LEUTX: variants seen among roughly 807,000 people sequenced by gnomAD.
LEUTX encodes the protein paired-like homeodomain transcription factor LEUTX.
LEUTX carries 5 observed loss-of-function variants against 4.5 expected under a neutral mutation model. The ratio of observed to expected loss-of-function variants is 1.11; its 90% CI spans 0.58 to 2.34. LEUTX has a LOEUF of 2.34. LEUTX is among the 30% of genes most tolerant of loss of function. LEUTX has a pLI of 0.01. For missense variants in LEUTX, 233 were observed against 239.4 expected (o/e 0.97, Z 0.18); for synonymous variants, 89 against 85.1 (o/e 1.05, Z -0.25).
At chr19:39,781,319 A>G (rs551994003) in intron 1 of LEUTX, among the ~76,000 whole-genome samples, 2 of 152,208 alleles carry the variant, frequency 1.3e-5, no homozygotes, top group Non-Finnish European at 2.9e-5. Context: ...AGCATCCTGA[A>G]AATAGAAACT....
upstream of LEUTX, among the ~76,000 whole-genome samples, chr19:39,777,502 T>C (rs1967812986): frequency 6.6e-6 from 1 of 152,204 alleles, no homozygotes; most frequent in Non-Finnish European, 1.5e-5. Context: ...ACCCTTTGAA[T>C]ATATCACTCT....
intron 1 of LEUTX, among the ~76,000 whole-genome samples, chr19:39,779,711 G>A (rs534952568): frequency 9.2e-5 from 14 of 152,224 alleles, no homozygotes; most frequent in Admixed American, 4.6e-4. Context: ...CTTGTAAAAC[G>A]TAGTTTAGAA....
upstream of LEUTX, among the ~76,000 whole-genome samples, chr19:39,778,503 C>T (rs959404991): frequency 1.1e-4 from 16 of 151,810 alleles, no homozygotes; most frequent in African/African-American, 3.6e-4. Flanking sequence ...CAGGGCACCT[C>T]CTTCACCTTC....
rs1967970410 is a variant in LEUTX, at chr19:39,786,166, G to C, written c.*31G>C. 5 of 1,448,058 alleles carry C rather than the reference G, an allele frequency of 3.5e-6. No homozygotes were observed. The highest frequency in any genetic ancestry group is 4.6e-6 in the Non-Finnish European group (5 of 1,086,866). 89.7% of individuals were successfully genotyped at this position (1,448,058 alleles called of 1,614,324 possible). On this transcript the variant is annotated 3_prime_UTR_variant, in exon 3 of 3. Coordinates refer to ENST00000638280, the MANE Select transcript of LEUTX (RefSeq NM_001382345.1). ...TACACATCACTTCTAGGGGAGGTCT[G>C]GATCTGACCCACTGAGACATATTTC...
chr19:39,783,032 T>G (rs1967910157), intron 1 of LEUTX, among the ~76,000 whole-genome samples: 1 of 151,636 alleles, frequency 6.6e-6, no homozygotes, highest in Non-Finnish European at 1.5e-5. Flanking sequence ...CTCACCCCCT[T>G]CCCACCCTTT....
intron 1 of LEUTX, among the ~76,000 whole-genome samples, chr19:39,781,533 G>A (rs1967888045): frequency 6.6e-6 from 1 of 152,198 alleles, no homozygotes; most frequent in Non-Finnish European, 1.5e-5. Context: ...AGATCCCTCT[G>A]AATGGCTTAG....
chr19:39,785,663 A>T (rs1201634663), intron 2 of LEUTX, 35 bp from the exon 3 acceptor site: 1 of 1,509,272 alleles, frequency 6.6e-7, no homozygotes, highest in Non-Finnish European at 9.0e-7. Flanking sequence ...TATACTCAAC[A>T]TCCATTATTA....
intron 1 of LEUTX, among the ~76,000 whole-genome samples, chr19:39,784,073 T>C (rs139889213): frequency 2.0e-5 from 3 of 152,160 alleles, no homozygotes; most frequent in Non-Finnish European, 2.9e-5. Context: ...TTCTTAGGTC[T>C]AGTGGATAAA....
chr19:39,778,772 C>T (rs1044492264), upstream of LEUTX: 6 of 148,566 alleles, frequency 4.0e-5, no homozygotes, highest in African/African-American at 7.5e-5. Flanking sequence ...TATTGGAGGG[C>T]GTGGTATTAG....
chr19:39,785,678 C>T lies in LEUTX; in HGVS notation c.160-20C>T. 1 of 1,540,072 alleles carries T rather than the reference C, an allele frequency of 6.5e-7. No homozygotes were observed. Among genetic ancestry groups the T allele is most frequent in the Non-Finnish European group, 8.8e-7 (1 of 1,139,258 alleles). ...TATACTCAACATCCATTATTAACCT[C>T]CCCCCTCCTCCCTCCTTAGATCTGG... On this transcript the variant is annotated intron_variant, in intron 2 of 2. Transcript: ENST00000638280.
chr19:39,782,196 A>C (rs1967896772), intron 1 of LEUTX, among the ~76,000 whole-genome samples: 1 of 152,154 alleles, frequency 6.6e-6, no homozygotes, highest in South Asian at 2.1e-4. Flanking sequence ...TGTCAACATC[A>C]TGCCACTATT....
upstream of LEUTX, chr19:39,776,467 C>G (rs920815532): frequency 5.4e-6 from 2 of 368,958 alleles, no homozygotes; most frequent in African/African-American, 2.1e-5. Context: ...TGCTGCCGCA[C>G]CACACAGAAG....
chr19:39,786,167 G>T lies in LEUTX; in HGVS notation c.*32G>T. ...ACACATCACTTCTAGGGGAGGTCTG[G>T]ATCTGACCCACTGAGACATATTTCC... is the stretch of plus-strand genomic sequence containing the variant. On this transcript the variant is annotated 3_prime_UTR_variant, in exon 3 of 3. Coordinates refer to ENST00000638280, the MANE Select transcript of LEUTX (RefSeq NM_001382345.1). The T allele has an allele frequency of 6.9e-7, 1 of 1,443,478 alleles. No individual in the cohort carries two copies. The highest frequency in any genetic ancestry group is 9.2e-7 in the Non-Finnish European group (1 of 1,082,678). The allele number at this position is 1,443,478 out of a possible 1,614,324, so 89.4% of individuals were successfully genotyped here.
In LEUTX at chr19:39,786,002, G is replaced by A. The variant is rs780917699; in HGVS notation, c.464G>A (p.Trp155Ter). The change falls in exon 3 of 3, where the codon TGG becomes TAG. Residue 155 changes from tryptophan to a stop codon, truncating the protein, a stop_gained. Coordinates refer to ENST00000638280, the MANE Select transcript of LEUTX (RefSeq NM_001382345.1). LOFTEE classifies it low-confidence loss of function (END_TRUNC). ...QICLGASNPPWASTLFEIDEF... is the reference protein window; with the variant it reads ...QICLGASNPP Reference sequence around the variant, plus strand: ...TGTCTGGGGGCTTCAAATCCTCCTTGGGCCTCCACTCTCTTTGAAATAGAT... The same window carrying A: ...TGTCTGGGGGCTTCAAATCCTCCTTAGGCCTCCACTCTCTTTGAAATAGAT... 1.3e-6 allele frequency: 2 copies of A among 1,551,546 alleles called. No homozygotes were observed. The highest frequency in any genetic ancestry group is 1.7e-6 in the Non-Finnish European group (2 of 1,147,002).
intron 1 of LEUTX, among the ~76,000 whole-genome samples, chr19:39,779,333 G>A (rs889637690): frequency 5.3e-5 from 8 of 152,060 alleles, no homozygotes; most frequent in Non-Finnish European, 1.2e-4. Flanking sequence ...TTAATGCCTG[G>A]TAACTTTCAT....
intron 1 of LEUTX, among the ~76,000 whole-genome samples, chr19:39,783,674 TA>T (rs1029943178): frequency 2.0e-5 from 3 of 152,166 alleles, no homozygotes; most frequent in Non-Finnish European, 2.9e-5. Context: ...TATTTTTTTT[TA>T]TTTTTTTTAT....
At chr19:39,782,849 C>T (rs73546645) in intron 1 of LEUTX, among the ~76,000 whole-genome samples, 4,741 of 152,206 alleles carry the variant, frequency 0.031, 223 homozygotes, top group African/African-American at 0.11. Flanking sequence ...TTGGAATATA[C>T]ATATTTGCAT....
At chr19:39,782,104 G>T (rs1967895529) in intron 1 of LEUTX, among the ~76,000 whole-genome samples, 1 of 152,096 alleles carries the variant, frequency 6.6e-6, no homozygotes, top group Non-Finnish European at 1.5e-5. Context: ...AACATAGACA[G>T]CAGTGCCACT....
chr19:39,780,534 A>G (rs2144954960), intron 1 of LEUTX, among the ~76,000 whole-genome samples: 1 of 152,258 alleles, frequency 6.6e-6, no homozygotes. Flanking sequence ...CTTTCATGAT[A>G]CTCTCTGAAA....
Sources: gnomAD v4.1 joint callset for allele counts (sites outside exome capture counted in the v4.1 genomes callset) on GRCh38, gnomAD v4.1.1 for gene constraint, MANE v1.5 for transcripts, NCBI Gene and HGNC (gene_info 2026-07-23, HGNC 2026-07-21) for gene names.